Variants in DNMBP observed in about 807,000 individuals in gnomAD.
The protein encoded by DNMBP is dynamin-binding protein.
DNMBP carries 87 observed loss-of-function variants against 150.0 expected under a neutral mutation model. The ratio of observed to expected loss-of-function variants is 0.58; its 90% CI spans 0.49 to 0.69. DNMBP has a LOEUF of 0.69. Ranked by LOEUF, DNMBP falls within the 30% of genes least tolerant of loss-of-function variation. The pLI is 0.00. For synonymous variants in DNMBP, 711 were observed against 750.4 expected (o/e 0.95, Z 0.86); for missense variants, 1,774 against 1,949.0 (o/e 0.91, Z 1.69).
chr10:99,950,400 C>A lies in DNMBP; in HGVS notation c.2260+4814G>T, dbSNP rs543146101. Reference sequence around the variant, plus strand: ...AAAGCGGGGCACTGCTTAAAAGATACCCGGAAATGTGGAACTGACTTTGGA... The same window carrying A: ...AAAGCGGGGCACTGCTTAAAAGATAACCGGAAATGTGGAACTGACTTTGGA... On this transcript the variant is annotated intron_variant, in intron 4 of 16. Coordinates refer to ENST00000324109, the MANE Select transcript of DNMBP (RefSeq NM_015221.4). 2.0e-5 allele frequency among the ~76,000 whole-genome samples: 3 copies of A among 152,176 alleles called. No individual in the cohort carries two copies. In the South Asian group the frequency reaches 6.2e-4, roughly 32 times the overall value.
Position 100,009,846 on chromosome 10 carries a change from C to A in DNMBP, c.-19G>T. On this transcript the variant is annotated 5_prime_UTR_variant, in exon 1 of 17. Coordinates refer to ENST00000324109, the MANE Select transcript of DNMBP (RefSeq NM_015221.4). ...CTGGCCCGGCCTCTGACCTGCTTTC[C>A]GCCGCCCGGCGGTCCCTCGGCGCGG... 1 of 148,576 alleles carries A rather than the reference C, an allele frequency of 6.7e-6. No individual in the cohort carries two copies. The highest frequency in any genetic ancestry group is 2.1e-4 in the South Asian group (1 of 4,870). 9.2% of individuals were successfully genotyped at this position (148,576 alleles called of 1,614,324 possible). A position where few individuals can be genotyped will look rare whatever the true frequency, so the allele number is the denominator to read the frequency against.
chr10:99,973,580 A>G (rs1363698735), intron 1 of DNMBP, among the ~76,000 whole-genome samples: 1 of 152,206 alleles, frequency 6.6e-6, no homozygotes, highest in Non-Finnish European at 1.5e-5. Flanking sequence ...CAGGGCCAGA[A>G]CTCAAACTGA....
intron 1 of DNMBP, among the ~76,000 whole-genome samples, chr10:99,976,054 ATCTG>A (rs1212221460): frequency 1.3e-5 from 2 of 152,174 alleles, no homozygotes; most frequent in Admixed American, 6.5e-5. Flanking sequence ...GGGAACCCAA[ATCTG>A]TCTGTCTCCA....
intron 4 of DNMBP, among the ~76,000 whole-genome samples, chr10:99,945,442 T>C (rs1192825147): frequency 6.6e-6 from 1 of 152,226 alleles, no homozygotes; most frequent in Non-Finnish European, 1.5e-5. Flanking sequence ...ATGTAATACA[T>C]GTGTTTAGAA....
Position 99,896,255 on chromosome 10 carries a change from T to C in DNMBP, c.3051+12A>G. 1 of 1,613,634 alleles carries C rather than the reference T, an allele frequency of 6.2e-7. No homozygotes were observed. The highest frequency in any genetic ancestry group is 1.1e-5 in the South Asian group (1 of 91,030). ...CAAAGATGCGCTAAGCCTTCCAGGA[T>C]GGGGATCTCACCTGAGGAGCAAAGC... On this transcript the variant is annotated intron_variant, in intron 10 of 16. Coordinates refer to ENST00000324109, the MANE Select transcript of DNMBP (RefSeq NM_015221.4).
chr10:99,955,859 G>T lies in DNMBP; in HGVS notation c.1615C>A (p.His539Asn), dbSNP rs1430500810. Residue 539 changes from histidine (H) to asparagine (N), a missense_variant, in exon 4 of 17, where the codon CAT (histidine) becomes AAT (asparagine). Physicochemically the swap from His to Asn is moderately conservative, Grantham distance 68 (BLOSUM62 1). Coordinates refer to ENST00000324109, the MANE Select transcript of DNMBP (RefSeq NM_015221.4). Reference sequence around the variant, plus strand: ...TCAGTGCTGCCGTCTCCCTGTGAATGTGTTGCTGCTTCCATAACAAGCCCT... The same window carrying T: ...TCAGTGCTGCCGTCTCCCTGTGAATTTGTTGCTGCTTCCATAACAAGCCCT... ...AQGLVMEAATHSQGDGSTDLD... is the reference protein window; with the variant it reads ...AQGLVMEAATNSQGDGSTDLD... 1 of 1,614,234 alleles carries T rather than the reference G, an allele frequency of 6.2e-7. No homozygotes were observed.
At chr10:99,940,534 C>T (rs2040283364) in intron 4 of DNMBP, among the ~76,000 whole-genome samples, 1 of 152,150 alleles carries the variant, frequency 6.6e-6, no homozygotes, top group South Asian at 2.1e-4. Context: ...CCTCTCCCTG[C>T]TTCTTCAATG....
rs75730162 is a variant in DNMBP, at chr10:99,922,984, T to C, written c.2261-13838A>G. ...GTTGCATACCAAATAGCTTCAGACA[T>C]TGACATCTCCTGTAATCCCAGCAGT... is the stretch of plus-strand genomic sequence containing the variant. On this transcript the variant is annotated intron_variant, in intron 4 of 16. Transcript: ENST00000324109. Among the ~76,000 whole-genome samples, 685 of 152,330 alleles carry C rather than the reference T, an allele frequency of 4.5e-3. 5 individuals are homozygous for C. Among genetic ancestry groups the C allele is most frequent in the Non-Finnish European group, 7.3e-3 (496 of 68,036 alleles).
At chr10:99,965,496 C>CTTT (rs35603478) in intron 3 of DNMBP, among the ~76,000 whole-genome samples, 1 of 134,390 alleles carries the variant, frequency 7.4e-6, no homozygotes, top group Non-Finnish European at 1.6e-5. Flanking sequence ...ATCTCACATA[C>CTTT]TTTTTTTTTT....
intron 1 of DNMBP, among the ~76,000 whole-genome samples, chr10:99,991,047 C>T (rs1471814258): frequency 1.3e-5 from 2 of 151,796 alleles, no homozygotes; most frequent in African/African-American, 4.8e-5. Flanking sequence ...ACCATTATCA[C>T]TATCAATTTT....
chr10:99,939,651 G>C (rs181463749), intron 4 of DNMBP, among the ~76,000 whole-genome samples: 315 of 152,318 alleles, frequency 2.1e-3, no homozygotes, highest in Non-Finnish European at 3.0e-3. Flanking sequence ...ACTAATGAAA[G>C]GTCACCAAGT....
intron 4 of DNMBP, among the ~76,000 whole-genome samples, chr10:99,932,500 C>T (rs1353920344): frequency 1.3e-5 from 2 of 151,940 alleles, no homozygotes; most frequent in African/African-American, 4.8e-5. Flanking sequence ...TGACATGGCT[C>T]GTATGGAAAC....
chr10:99,942,497 G>A (rs1323646912), intron 4 of DNMBP, among the ~76,000 whole-genome samples: 4 of 152,134 alleles, frequency 2.6e-5, no homozygotes, highest in East Asian at 1.9e-4. Flanking sequence ...GGGAACACTC[G>A]CAACTAAGGG....
intron 16 of DNMBP, 100 bp from the exon 17 acceptor site, chr10:99,877,436 T>A: frequency 1.1e-6 from 1 of 875,074 alleles, no homozygotes; most frequent in Non-Finnish European, 1.7e-6. Context: ...CATGCCCACA[T>A]GTGGCTACTG....
intron 4 of DNMBP, among the ~76,000 whole-genome samples, chr10:99,925,210 C>T (rs759435287): frequency 1.1e-4 from 16 of 152,132 alleles, no homozygotes; most frequent in Non-Finnish European, 1.3e-4. Flanking sequence ...ACTCAATCTA[C>T]GGCTGTGCTT....
At chr10:99,896,935 T>C (rs185573044) in intron 9 of DNMBP, among the ~76,000 whole-genome samples, 67 of 152,214 alleles carry the variant, frequency 4.4e-4, no homozygotes, top group African/African-American at 1.6e-3. Context: ...AGCAAAAAGG[T>C]ATACCTGGTT....
chr10:99,973,251 C>A (rs1441849207), intron 1 of DNMBP, among the ~76,000 whole-genome samples: 1 of 152,094 alleles, frequency 6.6e-6, no homozygotes, highest in African/African-American at 2.4e-5. Context: ...ATAATAATTT[C>A]TTCATATATT....
At chr10:99,911,457 T>C (rs1486605195) in intron 4 of DNMBP, among the ~76,000 whole-genome samples, 1 of 152,104 alleles carries the variant, frequency 6.6e-6, no homozygotes, top group East Asian at 1.9e-4. Context: ...CACTCCAGCC[T>C]GGGAGAACAG....
intron 3 of DNMBP, among the ~76,000 whole-genome samples, chr10:99,965,804 C>G (rs1484369074): frequency 6.6e-6 from 1 of 152,028 alleles, no homozygotes; most frequent in Non-Finnish European, 1.5e-5. Flanking sequence ...GCCCCACATA[C>G]TCTTAAGGTT....
Sources: allele counts gnomAD v4.1 joint callset (sites outside exome capture counted in the v4.1 genomes callset), GRCh38; gene constraint gnomAD v4.1.1; transcripts MANE v1.5; gene names NCBI Gene and HGNC (gene_info 2026-07-23, HGNC 2026-07-21).